Variants in TSHZ3 observed in about 807,000 individuals in gnomAD.
TSHZ3 encodes the protein teashirt homolog 3.
TSHZ3 carries 10 observed loss-of-function variants against 64.5 expected under a neutral mutation model. That is an observed-to-expected ratio of 0.16 (90% CI 0.10 to 0.26). The LOEUF (loss-of-function observed/expected upper bound fraction) is 0.26, where lower values mean the gene tolerates loss of function less well. Ranked by LOEUF, TSHZ3 falls within the 10% of genes least tolerant of loss-of-function variation. The pLI is 1.00. For synonymous variants in TSHZ3, 608 were observed against 593.1 expected (o/e 1.03, Z -0.36); for missense variants, 1,242 against 1,421.7 (o/e 0.87, Z 2.03).
At chr19:31,178,771 G>C (rs1974653037) in intron 5 of TSHZ3, among the ~76,000 whole-genome samples, 1 of 152,194 alleles carries the variant, frequency 6.6e-6, no homozygotes, top group Non-Finnish European at 1.5e-5. Context: ...TCCAGGGTGA[G>C]ACATGTCATC....
chr19:31,342,056 A>C (rs1207190940), intron 1 of TSHZ3, among the ~76,000 whole-genome samples: 1 of 152,238 alleles, frequency 6.6e-6, no homozygotes, highest in Admixed American at 6.5e-5. Context: ...TTTTAGCAGG[A>C]GTATTACAAT....
chr19:31,153,605 A>G (rs911324316), intron 6 of TSHZ3, among the ~76,000 whole-genome samples: 3 of 152,190 alleles, frequency 2.0e-5, no homozygotes, highest in Non-Finnish European at 4.4e-5. Context: ...TTTATTTTGT[A>G]TTATCATAAA....
chr19:31,257,767 T>A (rs1167453236), intron 1 of TSHZ3, among the ~76,000 whole-genome samples: 5 of 152,190 alleles, frequency 3.3e-5, no homozygotes, highest in Non-Finnish European at 5.9e-5. Context: ...TGCTTCTGTA[T>A]GGACTAGTCA....
intron 6 of TSHZ3, among the ~76,000 whole-genome samples, chr19:31,153,814 T>C (rs1974269644): frequency 6.6e-6 from 1 of 152,322 alleles, no homozygotes; most frequent in Non-Finnish European, 1.5e-5. Flanking sequence ...CTTAGTCTAG[T>C]AAGTGTGTTG....
At chr19:31,333,630 T>G (rs992214105) in intron 1 of TSHZ3, among the ~76,000 whole-genome samples, 1 of 151,904 alleles carries the variant, frequency 6.6e-6, no homozygotes, top group Non-Finnish European at 1.5e-5. Flanking sequence ...AACATGCTGA[T>G]GTCACTCCAA....
intron 6 of TSHZ3, among the ~76,000 whole-genome samples, chr19:31,151,964 T>G (rs1472935424): frequency 6.6e-6 from 1 of 152,164 alleles, no homozygotes; most frequent in Admixed American, 6.5e-5. Flanking sequence ...AAAAGTTAAC[T>G]CCATAACTTA....
chr19:31,285,714 G>C (rs1227309960), intron 1 of TSHZ3, among the ~76,000 whole-genome samples: 2 of 146,110 alleles, frequency 1.4e-5, no homozygotes, highest in African/African-American at 2.5e-5. Flanking sequence ...AACCTGGGAG[G>C]TGGAGACTGC....
At chr19:31,304,441 A>G (rs1450404028) in intron 1 of TSHZ3, among the ~76,000 whole-genome samples, 2 of 152,140 alleles carry the variant, frequency 1.3e-5, no homozygotes, top group African/African-American at 4.8e-5. Flanking sequence ...CTCCCTCTGC[A>G]TCTTCAGCTG....
intron 1 of TSHZ3, among the ~76,000 whole-genome samples, chr19:31,327,529 G>A (rs1916966301): frequency 1.3e-5 from 2 of 152,126 alleles, no homozygotes; most frequent in Non-Finnish European, 2.9e-5. Context: ...TGCATATAAG[G>A]CTAGTTTTAA....
downstream of TSHZ3, among the ~76,000 whole-genome samples, chr19:31,274,573 C>T (rs1976192510): frequency 6.6e-6 from 1 of 151,912 alleles, no homozygotes; most frequent in African/African-American, 2.4e-5. Flanking sequence ...GGCCCTGAAC[C>T]CCGGGCATCC....
chr19:31,298,432 T>C (rs536637269), intron 1 of TSHZ3, among the ~76,000 whole-genome samples: 17 of 152,156 alleles, frequency 1.1e-4, no homozygotes, highest in Non-Finnish European at 2.4e-4. Context: ...GTTGACCCCA[T>C]AGAAGAGCCG....
At chr19:31,251,710 G>A (rs1185005672) in intron 1 of TSHZ3, among the ~76,000 whole-genome samples, 3 of 152,176 alleles carry the variant, frequency 2.0e-5, no homozygotes, top group Non-Finnish European at 4.4e-5. Context: ...GTGTTCTCAA[G>A]CCAAGGCCCC....
At chr19:31,205,176 C>T (rs147877206) in intron 4 of TSHZ3, among the ~76,000 whole-genome samples, 1 of 152,100 alleles carries the variant, frequency 6.6e-6, no homozygotes, top group African/African-American at 2.4e-5. Flanking sequence ...GCTATCAGTC[C>T]CTGAGCAGCC....
chr19:31,274,858 C>A (rs981815677), downstream of TSHZ3: 18 of 152,226 alleles, frequency 1.2e-4, no homozygotes, highest in Admixed American at 4.6e-4. Context: ...CAACCAGCTC[C>A]GTCATAAACA....
At chr19:31,189,094 G>T (rs1379677002) in intron 5 of TSHZ3, among the ~76,000 whole-genome samples, 1 of 151,664 alleles carries the variant, frequency 6.6e-6, no homozygotes, top group Non-Finnish European at 1.5e-5. Flanking sequence ...TACTTTTAAT[G>T]TCTGATTTAT....
At position 31,202,224 on chromosome 19, in the gene TSHZ3, T is replaced by A. The variant is rs1975098034; in HGVS notation, n.809+2732A>T. ...AATTAGAGAAAAAGATAAGCTAATG[T>A]AGAACAATTTACTAAAATAATTCAC... On this transcript the variant is annotated intron_variant and non_coding_transcript_variant, in intron 5 of 6. Transcript: ENST00000651361. Among the ~76,000 whole-genome samples, 5 of 152,166 alleles carry A rather than the reference T, an allele frequency of 3.3e-5. No individual in the cohort carries two copies. The South Asian group carries it at 1.0e-3, about 32-fold the overall frequency.
intron 1 of TSHZ3, among the ~76,000 whole-genome samples, chr19:31,299,969 T>C (rs961681637): frequency 6.6e-6 from 1 of 152,334 alleles, no homozygotes. Context: ...GTTAATTGAA[T>C]TTAAGATCAA....
intron 1 of TSHZ3, among the ~76,000 whole-genome samples, chr19:31,248,440 G>T (rs776568279): frequency 1.3e-5 from 2 of 151,972 alleles, no homozygotes; most frequent in African/African-American, 2.4e-5. Flanking sequence ...AAGCAACCAG[G>T]GTCTCCAGCC....
rs756566048 is a variant in TSHZ3, at chr19:31,279,584, T to G, written c.209A>C (p.His70Pro). 1.2e-6 allele frequency: 2 copies of G among 1,611,772 alleles called. No homozygotes were observed. The highest frequency in any genetic ancestry group is 2.2e-5 in the East Asian group (1 of 44,826). The change falls in exon 2 of 2, where the codon CAT (histidine) becomes CCT (proline). Residue 70 changes from histidine to proline, a missense_variant. His to Pro is a moderately conservative substitution (Grantham distance 77, BLOSUM62 -2). Coordinates refer to ENST00000240587, the MANE Select transcript of TSHZ3 (RefSeq NM_020856.4). This position sits in a 1 kb window ranked among gnomAD's most constrained non-coding sequence, Gnocchi z 6.4. ...GATGTGTGACTCGCTGTCCATTTCA[T>G]GGCAGGAAAACTCGGCGGCCGGGGA... ...QNSPAAEFSCHEMDSESHISE... is the reference protein window; with the variant it reads ...QNSPAAEFSCPEMDSESHISE...
Sources: gnomAD v4.1 joint callset for allele counts (sites outside exome capture counted in the v4.1 genomes callset) on GRCh38, gnomAD v4.1.1 for gene constraint, Gnocchi (gnomAD v3.1) non-coding constraint, MANE v1.5 for transcripts, NCBI Gene and HGNC (gene_info 2026-07-23, HGNC 2026-07-21) for gene names.